The following PRMT7 variants were observed in gnomAD, a reference collection of about 807,000 sequenced individuals.
The protein encoded by PRMT7 is protein arginine N-methyltransferase 7.
PRMT7 carries 75 observed loss-of-function variants against 85.4 expected under a neutral mutation model. The ratio of observed to expected loss-of-function variants is 0.88; its 90% confidence interval spans 0.73 to 1.06. The LOEUF (loss-of-function observed/expected upper bound fraction) is 1.06. PRMT7 is among the 50% of genes least tolerant of loss of function. The pLI, the probability that PRMT7 is intolerant of heterozygous loss-of-function variation, is 0.00. For synonymous variants in PRMT7, 397 were observed against 359.5 expected, an observed-to-expected ratio of 1.10 and a Z score of -1.18; for missense variants, 868 against 915.2, an observed-to-expected ratio of 0.95 and a Z score of 0.67.
intron 3 of PRMT7, 112 bp from the exon 4 acceptor site, chr16:68,321,314 T>A: frequency 1.2e-6 from 1 of 835,030 alleles, no homozygotes; most frequent in Non-Finnish European, 1.8e-6. Flanking sequence ...AAAAAATAGT[T>A]TAAAATAGAT....
chr16:68,359,449 G>A (rs557040354), downstream of PRMT7: 3 of 152,682 alleles, frequency 2.0e-5, no homozygotes, highest in Non-Finnish European at 4.4e-5. Flanking sequence ...AGTTCAGACA[G>A]GCCAGTGTCA....
At chr16:68,335,570 G>C (rs892491053) in intron 6 of PRMT7, among the ~76,000 whole-genome samples, 3 of 152,016 alleles carry the variant, frequency 2.0e-5, no homozygotes, top group Non-Finnish European at 2.9e-5. Context: ...GCACAGGTGA[G>C]CTTCATAGGA....
At chr16:68,322,503 G>T (rs1403420737) in intron 4 of PRMT7, 1 of 402,168 alleles carries the variant, frequency 2.5e-6, no homozygotes, top group Non-Finnish European at 5.1e-6. Flanking sequence ...CGGCCATCGT[G>T]TGCTTGTTTA....
At chr16:68,356,288 C>T (rs759748578) in intron 17 of PRMT7, among the ~76,000 whole-genome samples, 15 of 152,244 alleles carry the variant, frequency 9.9e-5, no homozygotes, top group Admixed American at 2.6e-4. Context: ...ACCCCACCCT[C>T]GCCCGAGGAG....
At chr16:68,360,283 AATAG>A (rs1386472136), downstream of PRMT7, 1 of 152,414 alleles carries the variant, frequency 6.6e-6, no homozygotes, top group African/African-American at 2.4e-5. Context: ...AGAAGCTACA[AATAG>A]ATTATTTTCA....
chr16:68,348,498 C>T lies in PRMT7; in HGVS notation c.1413+67C>T, dbSNP rs2086747749. On this transcript the variant is annotated intron_variant, in intron 14 of 18. Transcript: ENST00000441236. ...GGTGGTCAGCACGGCACTGAAGTAG[C>T]CCAGGCCCCACCCTGTCCCTGGAGT... 3.8e-6 allele frequency: 5 copies of T among 1,303,936 alleles called. No homozygotes were observed. The East Asian group carries it at 7.0e-5, about 18-fold the overall frequency. The allele number at this position is 1,303,936 out of a possible 1,614,324, so 80.8% of individuals were successfully genotyped here. A position where few individuals can be genotyped will look rare whatever the true frequency, so the allele number is the denominator to read the frequency against.
intron 6 of PRMT7, among the ~76,000 whole-genome samples, chr16:68,330,290 G>T (rs1461961965): frequency 1.3e-5 from 2 of 152,158 alleles, no homozygotes; most frequent in African/African-American, 4.8e-5. Flanking sequence ...ATTTGCAAAG[G>T]AAAAACTGTG....
downstream of PRMT7, chr16:68,360,599 A>T (rs1310222020): frequency 6.5e-6 from 1 of 153,016 alleles, no homozygotes; most frequent in Non-Finnish European, 1.5e-5. Context: ...TGAATGCGAG[A>T]CCCTGGGAAG....
At chr16:68,329,291 G>A (rs1337130153) in intron 6 of PRMT7, 117 bp downstream of exon 6, 4 of 688,888 alleles carry the variant, frequency 5.8e-6, no homozygotes, top group African/African-American at 3.6e-5. Context: ...GGACCTCTCT[G>A]TGTGGAGCTC....
At chr16:68,352,495 A>AGAGC in intron 15 of PRMT7, 86 bp downstream of exon 15, 1 of 1,362,220 alleles carries the variant, frequency 7.3e-7, no homozygotes, top group Non-Finnish European at 9.9e-7. Flanking sequence ...GGGTGCCTGT[A>AGAGC]GAGCGGCTCA....
Position 68,311,191 on chromosome 16 carries a change from G to A in PRMT7, c.-219+92G>A. On this transcript the variant is annotated intron_variant, in intron 1 of 18. Coordinates refer to ENST00000441236, the MANE Select transcript of PRMT7 (RefSeq NM_019023.5). ...CCTTGGCACCAGGGTTTCGGCAGAG[G>A]AGCCTAGCGTGGGCCTACTTGGACT... The A allele has an allele frequency of 6.8e-6, 4 of 586,126 alleles. No individual in the cohort carries two copies. The South Asian group carries it at 7.4e-5, about 11-fold the overall frequency. The allele number at this position is 586,126 out of a possible 1,614,324, so 36.3% of individuals were successfully genotyped here.
At chr16:68,355,955 G>A in intron 17 of PRMT7, 72 bp downstream of exon 17, 3 of 1,417,966 alleles carry the variant, frequency 2.1e-6, no homozygotes, top group Non-Finnish European at 2.8e-6. Flanking sequence ...CCCGTGGTGA[G>A]CACAGCTGGC....
chr16:68,347,535 G>A, intron 12 of PRMT7, 96 bp from the exon 13 acceptor site: 3 of 1,361,792 alleles, frequency 2.2e-6, no homozygotes, highest in South Asian at 1.2e-5. Context: ...GTTCAGGTGT[G>A]TCCTCTGTCT....
chr16:68,345,226 A>T (rs1044399722), intron 9 of PRMT7, among the ~76,000 whole-genome samples: 4 of 152,222 alleles, frequency 2.6e-5, no homozygotes, highest in Non-Finnish European at 5.9e-5. Flanking sequence ...ATTGAGTCTG[A>T]CTGTTTTGTA....
chr16:68,350,409 G>C (rs1408774573), intron 14 of PRMT7, among the ~76,000 whole-genome samples: 1 of 151,854 alleles, frequency 6.6e-6, no homozygotes, highest in Non-Finnish European at 1.5e-5. Context: ...CAGGTTCTCG[G>C]ATCCTCACCA....
chr16:68,333,155 A>C (rs1292771694), intron 6 of PRMT7, among the ~76,000 whole-genome samples: 1 of 151,910 alleles, frequency 6.6e-6, no homozygotes, highest in Non-Finnish European at 1.5e-5. Context: ...ACCATACCCA[A>C]CTAATTTTTT....
intron 6 of PRMT7, among the ~76,000 whole-genome samples, chr16:68,332,188 G>A (rs1185720202): frequency 1.3e-5 from 2 of 152,206 alleles, no homozygotes; most frequent in African/African-American, 2.4e-5. Context: ...CAGTAGTGCT[G>A]TGACGTTTTG....
rs892258971 is a variant in PRMT7 at position 68,333,481 on chromosome 16, C to CA, written c.392-3963dup. 6.7e-3 allele frequency among the ~76,000 whole-genome samples: 611 copies of CA among 90,744 alleles called. 5 individuals are homozygous for CA. Among genetic ancestry groups the CA allele is most frequent in the Middle Eastern group, 0.025 (4 of 162 alleles). The allele number at this position is 90,744 out of a possible 152,430, so 59.5% of individuals were successfully genotyped here. Reference sequence around the variant, plus strand: ...GGGCAACAAGAGCAAAATTCTGGCTCAAAAAAAAAAAAAAAGAAAAGAAAA... The same window carrying CA: ...GGGCAACAAGAGCAAAATTCTGGCTCAAAAAAAAAAAAAAAAGAAAAGAAAA... On this transcript the variant is annotated intron_variant, in intron 6 of 18. Coordinates refer to ENST00000441236, the MANE Select transcript of PRMT7 (RefSeq NM_019023.5).
chr16:68,325,447 C>T (rs2082992563), intron 5 of PRMT7, among the ~76,000 whole-genome samples: 1 of 152,032 alleles, frequency 6.6e-6, no homozygotes. Context: ...CATGCCCCCA[C>T]ACCACCACAC....
Sources: gnomAD v4.1 joint callset for allele counts (sites outside exome capture counted in the v4.1 genomes callset) on GRCh38, gnomAD v4.1.1 for gene constraint, MANE v1.5 for transcripts, NCBI Gene and HGNC (gene_info 2026-07-23, HGNC 2026-07-21) for gene names.